The following ERO1B variants were observed in gnomAD, a reference collection of about 807,000 sequenced individuals.
ERO1B encodes endoplasmic reticulum oxidoreductase 1 beta.
ERO1B carries 49 observed loss-of-function variants against 75.3 expected under a neutral mutation model. The ratio of observed to expected loss-of-function variants is 0.65; its 90% CI spans 0.52 to 0.83. The LOEUF (loss-of-function observed/expected upper bound fraction) is 0.83, where lower values mean the gene tolerates loss of function less well. Among genes scored for constraint, ERO1B ranks in the 40% least tolerant of loss-of-function variants. The pLI, the probability that ERO1B is intolerant of heterozygous loss-of-function variation, is 0.00. For synonymous variants in ERO1B, 191 were observed against 192.9 expected, an observed-to-expected ratio of 0.99 and a Z score of 0.08; for missense variants, 512 against 560.1, an observed-to-expected ratio of 0.91 and a Z score of 0.87.
chr1:236,271,228 T>C (rs1665582338), intron 1 of ERO1B, among the ~76,000 whole-genome samples: 1 of 152,102 alleles, frequency 6.6e-6, no homozygotes, highest in African/African-American at 2.4e-5. Context: ...AAAAAATGGG[T>C]CTCAGCCTGT....
chr1:236,228,191 C>T (rs1664322571), intron 10 of ERO1B, among the ~76,000 whole-genome samples: 1 of 152,050 alleles, frequency 6.6e-6, no homozygotes, highest in Non-Finnish European at 1.5e-5. Flanking sequence ...CAAACCAGGA[C>T]CTGGAAAACT....
intron 3 of ERO1B, among the ~76,000 whole-genome samples, chr1:236,252,338 G>T (rs1304933828): frequency 6.6e-6 from 1 of 152,084 alleles, no homozygotes; most frequent in Non-Finnish European, 1.5e-5. Flanking sequence ...GCCAAAAGCA[G>T]CTCTAATAAC....
chr1:236,269,893 GTC>G lies in ERO1B; in HGVS notation c.202_203del (p.Asp68LeufsTer8). 1 of 1,591,226 alleles carries G rather than the reference GTC, an allele frequency of 6.3e-7. No individual in the cohort carries two copies. Among genetic ancestry groups the G allele is most frequent in the Non-Finnish European group, 8.6e-7 (1 of 1,159,676 alleles). On this transcript the variant is annotated frameshift_variant, in exon 2 of 16. Transcript: ENST00000354619. LOFTEE classifies it high-confidence loss of function. ...FPKIKKLQER[D>X]YFRYYKVNLK... ...ACCTTACCTTGTAATAACGAAAATA[GTC>G]TCTCTCTTGCAATTTTTTTATTTTG... is the stretch of plus-strand genomic sequence containing the variant.
chr1:236,270,384 A>G (rs370373613), intron 1 of ERO1B, among the ~76,000 whole-genome samples: 2 of 152,316 alleles, frequency 1.3e-5, no homozygotes, highest in South Asian at 4.1e-4. Context: ...CCATTTATGG[A>G]ACACTTACAT....
At chr1:236,253,662 T>C (rs2102957529) in intron 2 of ERO1B, among the ~76,000 whole-genome samples, 157 bp from the exon 3 acceptor site, 1 of 152,272 alleles carries the variant, frequency 6.6e-6, no homozygotes, top group Non-Finnish European at 1.5e-5. Flanking sequence ...ATGACAGCAA[T>C]GAGCTAGATC....
intron 5 of ERO1B, among the ~76,000 whole-genome samples, chr1:236,247,835 A>G (rs74548460): frequency 0.07 from 10,629 of 152,134 alleles, 466 homozygotes; most frequent in Non-Finnish European, 0.1. Context: ...TTCAACTAAC[A>G]TTTATATATA....
chr1:236,236,326 G>A lies in ERO1B; in HGVS notation c.578C>T (p.Thr193Ile). 1 of 1,614,008 alleles carries A rather than the reference G, an allele frequency of 6.2e-7. No individual in the cohort carries two copies. Among genetic ancestry groups the A allele is most frequent in the African/African-American group, 1.3e-5 (1 of 75,006 alleles). Reference protein sequence around the residue: ...NPERYTGYKGTSAWRVWNSIY... With the variant: ...NPERYTGYKGISAWRVWNSIY... ...GCTGTTCCACACTCTCCATGCAGAG[G>A]TCCCTTTATAGCCAGTGTAACGCTC... The change falls in exon 7 of 16, where the codon ACC (threonine) becomes ATC (isoleucine). Residue 193 changes from threonine (T) to isoleucine (I), a missense_variant. Transcript: ENST00000354619.
Position 236,239,873 on chromosome 1 carries a change from GTATA to G in ERO1B, c.506-3479_506-3476del, listed in dbSNP as rs1572042451. On this transcript the variant is annotated intron_variant, in intron 6 of 15. Coordinates refer to ENST00000354619, the MANE Select transcript of ERO1B (RefSeq NM_019891.4). ...TGTGTATATATGTATATATATATGTGTATATGTGTGTGTGTGTGTATATATATAT... is the reference window on the plus strand; with the variant it reads ...TGTGTATATATGTATATATATATGTGTGTGTGTGTGTGTGTATATATATAT... Among the ~76,000 whole-genome samples the G allele has an allele frequency of 1.0e-4, 8 of 78,568 alleles. No homozygotes were observed. In the East Asian group the frequency reaches 6.3e-3, roughly 61 times the overall value. The allele number at this position is 78,568 out of a possible 152,430, so 51.5% of individuals were successfully genotyped here. A position where few individuals can be genotyped will look rare whatever the true frequency, so the allele number is the denominator to read the frequency against.
chr1:236,249,912 T>G lies in ERO1B; in HGVS notation c.404A>C (p.Lys135Thr), dbSNP rs1269434027. Residue 135 changes from lysine to threonine, a missense_variant, in exon 5 of 16, where the codon AAA becomes ACA. By Grantham distance (78) the Lys-to-Thr change is moderately conservative (BLOSUM62 -1). Coordinates refer to ENST00000354619, the MANE Select transcript of ERO1B (RefSeq NM_019891.4). ...TAATGTGCTGTTAATTGCTCCCAGT[T>G]TATTAGCTTGCTCACAATCTTCTAA... ...KELEDCEQAN[K>T]LGAINSTLSN... The G allele has an allele frequency of 6.2e-7, 1 of 1,600,952 alleles. No individual in the cohort carries two copies. Among genetic ancestry groups the G allele is most frequent in the Admixed American group, 1.7e-5 (1 of 58,180 alleles).
At chr1:236,259,072 A>G (rs1486375719) in intron 2 of ERO1B, among the ~76,000 whole-genome samples, 2 of 152,164 alleles carry the variant, frequency 1.3e-5, no homozygotes, top group Non-Finnish European at 2.9e-5. Flanking sequence ...CAAACTATAC[A>G]AGATATAAGA....
chr1:236,237,892 G>A (rs1664581526), intron 6 of ERO1B, among the ~76,000 whole-genome samples: 1 of 152,190 alleles, frequency 6.6e-6, no homozygotes, highest in South Asian at 2.1e-4. Flanking sequence ...TCAGGCTGGA[G>A]TGCAGTGTGA....
chr1:236,233,938 C>T (rs1218365214), intron 8 of ERO1B, among the ~76,000 whole-genome samples: 2 of 152,106 alleles, frequency 1.3e-5, no homozygotes, highest in Non-Finnish European at 2.9e-5. Flanking sequence ...TGCCTATCAG[C>T]TTTATTATGT....
In ERO1B at chr1:236,281,939, A is replaced by C. The variant is rs1665848388; in HGVS notation, c.-156T>G. ...TCCGGAGGCAGGCGACTCTTTCCCC[A>C]ACACCCGGCAGCTGCGAGTGAGGCA... is the stretch of plus-strand genomic sequence containing the variant. On this transcript the variant is annotated 5_prime_UTR_variant, in exon 1 of 16. Transcript: ENST00000354619. 9.2e-6 allele frequency: 4 copies of C among 432,716 alleles called. No homozygotes were observed. The highest frequency in any genetic ancestry group is 1.6e-5 in the Non-Finnish European group (4 of 257,272). 26.8% of individuals were successfully genotyped at this position (432,716 alleles called of 1,614,324 possible).
At chr1:236,253,330 C>G (rs988109381) in intron 3 of ERO1B, 92 bp downstream of exon 3, 2 of 735,868 alleles carry the variant, frequency 2.7e-6, no homozygotes, top group Non-Finnish European at 4.6e-6. Context: ...ACATCCAAAT[C>G]CATTGACATT....
intron 2 of ERO1B, among the ~76,000 whole-genome samples, chr1:236,261,946 A>AAAAACAAAAACAAAG (rs1461999975): frequency 7.4e-6 from 1 of 134,786 alleles, no homozygotes; most frequent in Non-Finnish European, 1.7e-5. Flanking sequence ...CTGTCTCAAA[A>AAAAACAAAAACAAAG]ACAAAAACAA....
At chr1:236,239,907 A>ATTTTTTT (rs1405706250) in intron 6 of ERO1B, among the ~76,000 whole-genome samples, 2 of 106,382 alleles carry the variant, frequency 1.9e-5, no homozygotes, top group East Asian at 9.7e-4. Flanking sequence ...ATATATATAT[A>ATTTTTTT]TATATTTTTT....
At chr1:236,241,788 G>A (rs918949661) in intron 6 of ERO1B, among the ~76,000 whole-genome samples, 29 of 152,036 alleles carry the variant, frequency 1.9e-4, no homozygotes, top group African/African-American at 6.8e-4. Flanking sequence ...AGTTAACACG[G>A]CCAGGTGCAG....
intron 10 of ERO1B, among the ~76,000 whole-genome samples, chr1:236,227,639 G>A (rs1664310384): frequency 6.6e-6 from 1 of 152,042 alleles, no homozygotes; most frequent in Non-Finnish European, 1.5e-5. Context: ...CAGGAAAATG[G>A]GCTTTAATAG....
intron 6 of ERO1B, among the ~76,000 whole-genome samples, chr1:236,242,968 T>G (rs1054845414): frequency 6.6e-6 from 1 of 152,214 alleles, no homozygotes; most frequent in African/African-American, 2.4e-5. Context: ...TACATGAGTT[T>G]GTTAAGACCT....
Sources: gnomAD v4.1 joint callset for allele counts (sites outside exome capture counted in the v4.1 genomes callset) on GRCh38, gnomAD v4.1.1 for gene constraint, MANE v1.5 for transcripts, NCBI Gene and HGNC (gene_info 2026-07-23, HGNC 2026-07-21) for gene names.